The following STAU2 variants were observed in gnomAD, a reference collection of about 807,000 sequenced individuals.
The protein encoded by STAU2 is double-stranded RNA-binding protein Staufen homolog 2.
STAU2 carries 20 observed loss-of-function variants against 65.9 expected under a neutral mutation model. The ratio of observed to expected loss-of-function variants is 0.30; its 90% CI spans 0.21 to 0.44. STAU2 has a LOEUF of 0.44. Ranked by LOEUF, STAU2 falls within the 20% of genes least tolerant of loss-of-function variation. The probability of loss-of-function intolerance (pLI) is 1.00; values close to 1 mark genes in which losing one functional copy is unlikely to be tolerated. For missense variants in STAU2, 558 were observed against 683.9 expected (o/e 0.82, Z 2.05); for synonymous variants, 232 against 233.9 (o/e 0.99, Z 0.07).
At chr8:73,735,329 T>A (rs965362751) in intron 3 of STAU2, among the ~76,000 whole-genome samples, 3 of 152,192 alleles carry the variant, frequency 2.0e-5, no homozygotes, top group South Asian at 4.1e-4. Context: ...AATTCAACTC[T>A]ATGTTTAGCT....
chr8:73,497,977 C>T (rs553659011), intron 13 of STAU2, among the ~76,000 whole-genome samples: 12 of 151,850 alleles, frequency 7.9e-5, no homozygotes, highest in African/African-American at 2.4e-4. Context: ...GGTAATGATA[C>T]AACTTATGTA....
rs1807325197 is a variant in STAU2 at position 73,746,829 on chromosome 8, C to T, written c.-243G>A. Reference sequence around the variant, plus strand: ...CAGACGGCTCCAACATTGGCAAACACTACAGAGAACTGACCCCGCTCGGCC... The same window carrying T: ...CAGACGGCTCCAACATTGGCAAACATTACAGAGAACTGACCCCGCTCGGCC... On this transcript the variant is annotated 5_prime_UTR_variant, in exon 1 of 15. It adds an upstream start codon to the 5' untranslated region. Coordinates refer to ENST00000524300, the MANE Select transcript of STAU2 (RefSeq NM_001164380.2). 1 of 1,229,988 alleles carries T rather than the reference C, an allele frequency of 8.1e-7. No individual in the cohort carries two copies. The highest frequency in any genetic ancestry group is 1.6e-5 in the African/African-American group (1 of 64,284). The allele number at this position is 1,229,988 out of a possible 1,614,324, so 76.2% of individuals were successfully genotyped here. A position where few individuals can be genotyped will look rare whatever the true frequency, so the allele number is the denominator to read the frequency against.
intron 6 of STAU2, among the ~76,000 whole-genome samples, chr8:73,664,575 T>C (rs1171213944): frequency 6.6e-6 from 1 of 152,234 alleles, no homozygotes; most frequent in African/African-American, 2.4e-5. Flanking sequence ...CTTTATTCTA[T>C]TAATTGGGTT....
intron 12 of STAU2, among the ~76,000 whole-genome samples, chr8:73,572,157 G>A (rs1809148160): frequency 6.6e-6 from 1 of 152,168 alleles, no homozygotes; most frequent in South Asian, 2.1e-4. Flanking sequence ...TAGAAGAAAT[G>A]GATAGATTTC....
chr8:73,676,602 T>C (rs1339652943), intron 5 of STAU2, among the ~76,000 whole-genome samples: 1 of 152,246 alleles, frequency 6.6e-6, no homozygotes, highest in Non-Finnish European at 1.5e-5. Flanking sequence ...TGTTTTGTTT[T>C]GTTTTTTGTT....
intron 4 of STAU2, among the ~76,000 whole-genome samples, chr8:73,703,665 C>A (rs1199565033): frequency 1.3e-5 from 2 of 152,062 alleles, no homozygotes; most frequent in Admixed American, 1.3e-4. Context: ...AAAACATGAG[C>A]AAACTCAAAA....
intron 13 of STAU2, among the ~76,000 whole-genome samples, chr8:73,452,731 T>C (rs1818863096): frequency 6.6e-6 from 1 of 152,266 alleles, no homozygotes; most frequent in Non-Finnish European, 1.5e-5. Flanking sequence ...TTACATCTTT[T>C]AGTTGGGCAT....
At chr8:73,614,243 C>T (rs1406746397) in intron 8 of STAU2, among the ~76,000 whole-genome samples, 4 of 151,992 alleles carry the variant, frequency 2.6e-5, no homozygotes, top group African/African-American at 9.7e-5. Flanking sequence ...TCTTATGGAA[C>T]ACAAATTTAA....
At chr8:73,743,560 G>A (rs1401853574) in intron 1 of STAU2, among the ~76,000 whole-genome samples, 1 of 138,728 alleles carries the variant, frequency 7.2e-6, no homozygotes, top group African/African-American at 2.7e-5. Flanking sequence ...CGCAAGATCC[G>A]CCTCCTGGTT....
chr8:73,455,530 G>C (rs1352671721), intron 13 of STAU2, among the ~76,000 whole-genome samples: 1 of 152,092 alleles, frequency 6.6e-6, no homozygotes, highest in Non-Finnish European at 1.5e-5. Flanking sequence ...CTCAGCTCAG[G>C]GCAGTCCAGA....
chr8:73,428,030 A>G (rs539417752), intron 13 of STAU2, among the ~76,000 whole-genome samples: 1 of 152,340 alleles, frequency 6.6e-6, no homozygotes, highest in South Asian at 2.1e-4. Flanking sequence ...CTCAACTGTT[A>G]GCTATATTCA....
chr8:73,670,462 TA>T (rs1817595104), intron 6 of STAU2: 1 of 151,400 alleles, frequency 6.6e-6, no homozygotes, highest in Non-Finnish European at 1.5e-5. Context: ...AAAGAGGAAC[TA>T]AAGGACAACA....
chr8:73,653,037 A>C (rs529002189), intron 6 of STAU2: 1 of 152,304 alleles, frequency 6.6e-6, no homozygotes, highest in East Asian at 1.9e-4. Context: ...AATTCAAACA[A>C]TAATATCGGT....
At chr8:73,735,105 A>G (rs527795094) in intron 3 of STAU2, among the ~76,000 whole-genome samples, 8 of 152,068 alleles carry the variant, frequency 5.3e-5, no homozygotes, top group African/African-American at 1.9e-4. Context: ...AACTTTTTTT[A>G]TTTTTTGTAG....
chr8:73,680,478 A>G (rs1258328628), intron 5 of STAU2, among the ~76,000 whole-genome samples: 2 of 152,120 alleles, frequency 1.3e-5, no homozygotes, highest in African/African-American at 4.8e-5. Flanking sequence ...CAGCAGATTC[A>G]AGATCTTGCC....
At chr8:73,695,597 T>C (rs1819641707) in intron 4 of STAU2, among the ~76,000 whole-genome samples, 2 of 152,082 alleles carry the variant, frequency 1.3e-5, no homozygotes, top group Admixed American at 1.3e-4. Flanking sequence ...AAAGGGAACA[T>C]TGTCTTGTGC....
At chr8:73,700,826 G>A (rs1343922954) in intron 4 of STAU2, among the ~76,000 whole-genome samples, 1 of 152,052 alleles carries the variant, frequency 6.6e-6, no homozygotes, top group African/African-American at 2.4e-5. Flanking sequence ...GCTATCCTGA[G>A]CAAAAAGAAC....
At chr8:73,525,649 A>C (rs1823315614) in intron 13 of STAU2, among the ~76,000 whole-genome samples, 1 of 152,242 alleles carries the variant, frequency 6.6e-6, no homozygotes, top group African/African-American at 2.4e-5. Context: ...TGTTACAGCA[A>C]CATGCCACCT....
intron 11 of STAU2, among the ~76,000 whole-genome samples, chr8:73,583,125 A>C (rs1419159498): frequency 6.6e-6 from 1 of 151,830 alleles, no homozygotes; most frequent in Non-Finnish European, 1.5e-5. Context: ...TGTAAGCTCT[A>C]GCTAGGTGGT....
Sources: gnomAD v4.1 joint callset for allele counts (sites outside exome capture counted in the v4.1 genomes callset) on GRCh38, gnomAD v4.1.1 for gene constraint, MANE v1.5 for transcripts, NCBI Gene and HGNC (gene_info 2026-07-23, HGNC 2026-07-21) for gene names.